KIF15: variants seen among roughly 807,000 people sequenced by gnomAD.
KIF15 encodes the protein kinesin-like protein KIF15.
A neutral mutation model predicts 190.6 loss-of-function variants in KIF15; 140 were observed. The observed-to-expected ratio is 0.73, with a 90% CI of 0.64 to 0.84. The LOEUF is 0.84. Among genes scored for constraint, KIF15 ranks in the 40% least tolerant of loss-of-function variants. The pLI is 0.00. For synonymous variants in KIF15, 528 were observed against 551.3 expected (o/e 0.96, Z 0.59); for missense variants, 1,372 against 1,584.4 (o/e 0.87, Z 2.28).
chr3:44,792,821 C>A (rs1706781330), intron 7 of KIF15, among the ~76,000 whole-genome samples: 1 of 152,188 alleles, frequency 6.6e-6, no homozygotes, highest in Non-Finnish European at 1.5e-5. Flanking sequence ...GCTGGAATTA[C>A]AGGCGTGAGC....
chr3:44,785,021 A>AC, intron 6 of KIF15, 79 bp downstream of exon 6: 1 of 713,498 alleles, frequency 1.4e-6, no homozygotes, highest in Non-Finnish European at 2.4e-6. Flanking sequence ...AGCTCATGAT[A>AC]CATGGTGGAG....
intron 11 of KIF15, among the ~76,000 whole-genome samples, chr3:44,801,031 G>C (rs1001727658): frequency 2.0e-5 from 3 of 146,874 alleles, no homozygotes; most frequent in African/African-American, 7.6e-5. Flanking sequence ...TTTTTGAGAC[G>C]CAGTCTCTCT....
At chr3:44,818,367 T>C (rs1708117092) in intron 20 of KIF15, among the ~76,000 whole-genome samples, 1 of 152,242 alleles carries the variant, frequency 6.6e-6, no homozygotes, top group African/African-American at 2.4e-5. Context: ...CAGTATGATA[T>C]TGGCTGTGGG....
intron 5 of KIF15, among the ~76,000 whole-genome samples, chr3:44,783,072 G>C (rs1575588258): frequency 6.6e-6 from 1 of 152,214 alleles, no homozygotes; most frequent in African/African-American, 2.4e-5. Flanking sequence ...TTAGGGGATA[G>C]AGCGGGATTA....
chr3:44,783,376 AAG>A (rs1222837058), intron 5 of KIF15, among the ~76,000 whole-genome samples: 1 of 151,720 alleles, frequency 6.6e-6, no homozygotes, highest in Non-Finnish European at 1.5e-5. Context: ...GAGAGAGACA[AAG>A]AGAGAGAGAG....
chr3:44,853,843 C>CATG (rs1343379210), downstream of KIF15, among the ~76,000 whole-genome samples: 1 of 152,098 alleles, frequency 6.6e-6, no homozygotes, highest in Non-Finnish European at 1.5e-5. Context: ...GAACATGCTA[C>CATG]AACATGATGA....
intron 15 of KIF15, 56 bp from the exon 16 acceptor site, chr3:44,805,789 A>G: frequency 6.7e-7 from 1 of 1,482,816 alleles, no homozygotes; most frequent in Non-Finnish European, 9.3e-7. Context: ...AAAGTATTCT[A>G]TAAATGTTTG....
intron 26 of KIF15, among the ~76,000 whole-genome samples, chr3:44,833,773 A>G (rs1698182638): frequency 6.6e-6 from 1 of 152,182 alleles, no homozygotes; most frequent in Non-Finnish European, 1.5e-5. Flanking sequence ...TAATACATGG[A>G]AAGTGCTGAG....
At chr3:44,858,889 C>T (rs1390228302) in intron 6 of KIF15, among the ~76,000 whole-genome samples, 2 of 152,218 alleles carry the variant, frequency 1.3e-5, no homozygotes, top group Non-Finnish European at 2.9e-5. Context: ...ACCCGAAGCT[C>T]GGTGTCCGTG....
downstream of KIF15, among the ~76,000 whole-genome samples, chr3:44,855,337 G>A (rs1039143855): frequency 1.3e-5 from 2 of 152,090 alleles, no homozygotes; most frequent in Non-Finnish European, 2.9e-5. Context: ...GTTAGGGTAG[G>A]GCAGAAACAA....
At chr3:44,819,484 G>C (rs1708167493) in intron 20 of KIF15, among the ~76,000 whole-genome samples, 1 of 152,136 alleles carries the variant, frequency 6.6e-6, no homozygotes, top group African/African-American at 2.4e-5. Flanking sequence ...CTTTATTTCT[G>C]CCTTCATTTC....
chr3:44,770,429 C>T (rs936876909), intron 1 of KIF15, among the ~76,000 whole-genome samples: 4 of 152,146 alleles, frequency 2.6e-5, no homozygotes, highest in African/African-American at 9.7e-5. Context: ...GTTGGGTAAA[C>T]TCCTCTCTTC....
intron 7 of KIF15, among the ~76,000 whole-genome samples, chr3:44,790,695 C>CTTTTTTT (rs56414094): frequency 8.4e-4 from 82 of 97,926 alleles, no homozygotes; most frequent in Non-Finnish European, 9.9e-4. Flanking sequence ...TTTTCTGTTT[C>CTTTTTTT]TTTTTTTTTT....
chr3:44,863,942 T>C (rs778086800), intron 6 of KIF15: 4 of 503,626 alleles, frequency 7.9e-6, no homozygotes, highest in Non-Finnish European at 1.1e-5. Context: ...GCATTTTGCT[T>C]CTTCCCAAGA....
chr3:44,856,128 C>T (rs191448680), downstream of KIF15, among the ~76,000 whole-genome samples: 25 of 152,132 alleles, frequency 1.6e-4, no homozygotes, highest in African/African-American at 4.1e-4. Context: ...GGAATTATGG[C>T]GGACAAAAGG....
At chr3:44,797,298 G>A (rs1394644967) in intron 8 of KIF15, among the ~76,000 whole-genome samples, 3 of 152,104 alleles carry the variant, frequency 2.0e-5, no homozygotes, top group East Asian at 1.9e-4. Flanking sequence ...CAAAGTGCTG[G>A]GATGACTAGC....
chr3:44,857,774 T>C (rs12634432), downstream of KIF15, among the ~76,000 whole-genome samples: 85,760 of 152,002 alleles, frequency 0.56, 24,773 homozygotes, highest in East Asian at 0.89. Context: ...CAGTCAGACA[T>C]GATCGGCAGA....
rs1445149223 is a variant in KIF15, at chr3:44,780,914, C to G, written c.353C>G (p.Thr118Ser). ...CAGACTGGCTCAGGGAAGACATTTA[C>G]TATGATGGGTAAGTAAAGATTAACT... is the stretch of plus-strand genomic sequence containing the variant. ...YGQTGSGKTF[T>S]MMGPSESDNF... The change falls in exon 5 of 35, where the codon ACT (threonine) becomes AGT (serine). Residue 118 changes from threonine to serine, a missense_variant. Coordinates refer to ENST00000326047, the MANE Select transcript of KIF15 (RefSeq NM_020242.3). 6.2e-7 allele frequency: 1 copy of G among 1,600,168 alleles called. No homozygotes were observed. Among genetic ancestry groups the G allele is most frequent in the South Asian group, 1.1e-5 (1 of 89,698 alleles).
intron 6 of KIF15, among the ~76,000 whole-genome samples, chr3:44,867,157 A>AC (rs1699331087): frequency 6.6e-6 from 1 of 152,090 alleles, no homozygotes; most frequent in Non-Finnish European, 1.5e-5. Flanking sequence ...GAGTGCCAGA[A>AC]CCACAATGTC....
Sources: gnomAD v4.1 joint callset for allele counts (sites outside exome capture counted in the v4.1 genomes callset) on GRCh38, gnomAD v4.1.1 for gene constraint, MANE v1.5 for transcripts, NCBI Gene and HGNC (gene_info 2026-07-23, HGNC 2026-07-21) for gene names.